RFX3: variants seen among roughly 807,000 people sequenced by gnomAD.
The protein encoded by RFX3 is transcription factor RFX3.
A neutral mutation model predicts 98.6 loss-of-function variants in RFX3; 14 were observed. That is an observed-to-expected ratio of 0.14 (90% CI 0.09 to 0.22). The LOEUF is 0.22. RFX3 is among the 10% of genes least tolerant of loss of function. RFX3 has a pLI of 1.00. For synonymous variants in RFX3, 383 were observed against 328.4 expected, an observed-to-expected ratio of 1.17 and a Z score of -1.80; for missense variants, 639 against 926.9, an observed-to-expected ratio of 0.69 and a Z score of 4.03.
rs138554928 is a variant in RFX3, at chr9:3,313,340, C to T, written c.475-11720G>A. On this transcript the variant is annotated intron_variant, in intron 4 of 16. Coordinates refer to ENST00000617270, the MANE Select transcript of RFX3 (RefSeq NM_001282116.2). ...AAGGAAAACTAACAAACAGAAAGGACGTCCACACCAAAACTCCATCTGTAA... is the reference window on the plus strand; with the variant it reads ...AAGGAAAACTAACAAACAGAAAGGATGTCCACACCAAAACTCCATCTGTAA... 4.9e-3 allele frequency among the ~76,000 whole-genome samples: 751 copies of T among 152,214 alleles called. 2 individuals are homozygous for T. Among genetic ancestry groups the T allele is most frequent in the Non-Finnish European group, 8.4e-3 (570 of 67,978 alleles).
At chr9:3,290,478 C>G (rs1334735119) in intron 6 of RFX3, among the ~76,000 whole-genome samples, 1 of 151,916 alleles carries the variant, frequency 6.6e-6, no homozygotes, top group African/African-American at 2.4e-5. Context: ...TGAATAAAGC[C>G]CAGAGTTTCA....
At chr9:3,321,659 T>C (rs1444890122) in intron 4 of RFX3, among the ~76,000 whole-genome samples, 1 of 152,182 alleles carries the variant, frequency 6.6e-6, no homozygotes, top group East Asian at 1.9e-4. Flanking sequence ...ACCATTGCCT[T>C]TGTTTATTGT....
At chr9:3,480,613 A>G (rs1849664487) in intron 1 of RFX3, among the ~76,000 whole-genome samples, 1 of 152,182 alleles carries the variant, frequency 6.6e-6, no homozygotes, top group Non-Finnish European at 1.5e-5. Flanking sequence ...AAGCTTGAAG[A>G]CTGAGCAATT....
chr9:3,471,848 A>C (rs1434896618), intron 1 of RFX3, among the ~76,000 whole-genome samples: 1 of 152,246 alleles, frequency 6.6e-6, no homozygotes. Context: ...CTTCTTCAGA[A>C]TCTTTCTACC....
intron 2 of RFX3, among the ~76,000 whole-genome samples, chr9:3,381,625 A>G (rs1839203854): frequency 6.6e-6 from 1 of 152,150 alleles, no homozygotes; most frequent in Admixed American, 6.6e-5. Context: ...ATTTAAGAAT[A>G]TAATTCCATT....
chr9:3,477,535 A>G (rs1849378953), intron 1 of RFX3, among the ~76,000 whole-genome samples: 1 of 152,188 alleles, frequency 6.6e-6, no homozygotes, highest in Admixed American at 6.5e-5. Flanking sequence ...TAAGTCAGCT[A>G]TTAAGCCTAT....
intron 1 of RFX3, among the ~76,000 whole-genome samples, chr9:3,427,214 A>C (rs1844137353): frequency 6.8e-6 from 1 of 146,064 alleles, no homozygotes; most frequent in Non-Finnish European, 1.5e-5. Context: ...ACTATATAAT[A>C]AATATATAAT....
rs546228808 is a variant in RFX3, at chr9:3,291,650, G to T, written c.731+1427C>A. ...ATTAAACAAATTTGTATCCTTTTCT[G>T]TTGTTAATCTTTCGTTATAGGGGTC... On this transcript the variant is annotated intron_variant, in intron 6 of 16. Transcript: ENST00000617270. 1.3e-3 allele frequency among the ~76,000 whole-genome samples: 201 copies of T among 152,136 alleles called. 1 individual carries two copies. Among genetic ancestry groups the T allele is most frequent in the African/African-American group, 4.6e-3 (193 of 41,514 alleles).
At chr9:3,308,577 T>C (rs1829600831) in intron 4 of RFX3, among the ~76,000 whole-genome samples, 1 of 152,188 alleles carries the variant, frequency 6.6e-6, no homozygotes, top group Admixed American at 6.6e-5. Context: ...ACATGCCAGA[T>C]TTCTGACCAC....
At chr9:3,503,504 A>C (rs1180871888) in intron 1 of RFX3, among the ~76,000 whole-genome samples, 1 of 152,138 alleles carries the variant, frequency 6.6e-6, no homozygotes, top group Admixed American at 6.6e-5. Context: ...ACAGGCACAT[A>C]ATGCTGAATA....
chr9:3,474,915 C>T (rs532827531), intron 1 of RFX3, among the ~76,000 whole-genome samples: 5 of 152,132 alleles, frequency 3.3e-5, no homozygotes, highest in African/African-American at 9.6e-5. Context: ...GCCTGGGCAA[C>T]ACAGGAAGAT....
At chr9:3,299,129 C>T (rs1828341677) in intron 5 of RFX3, among the ~76,000 whole-genome samples, 1 of 151,668 alleles carries the variant, frequency 6.6e-6, no homozygotes, top group Admixed American at 6.6e-5. Flanking sequence ...ACATAGTTTA[C>T]TAACATTTAA....
At chr9:3,518,929 G>A (rs777758417) in intron 1 of RFX3, among the ~76,000 whole-genome samples, 4 of 152,086 alleles carry the variant, frequency 2.6e-5, no homozygotes, top group East Asian at 3.8e-4. Flanking sequence ...TCTAAGCAAC[G>A]CATTATAAAA....
chr9:3,293,032 T>C (rs900531301), intron 6 of RFX3, 45 bp downstream of exon 6: 5 of 1,471,824 alleles, frequency 3.4e-6, no homozygotes, highest in East Asian at 2.3e-5. Context: ...TTGCCCTAGT[T>C]TGAAAAAGAG....
chr9:3,263,840 G>A (rs1187847181), intron 12 of RFX3, among the ~76,000 whole-genome samples: 1 of 152,132 alleles, frequency 6.6e-6, no homozygotes. Context: ...GGCACTGGCA[G>A]GAGATGGAAG....
chr9:3,312,254 G>A (rs541710108), intron 4 of RFX3, among the ~76,000 whole-genome samples: 1 of 152,190 alleles, frequency 6.6e-6, no homozygotes, highest in Non-Finnish European at 1.5e-5. Flanking sequence ...ATATGAGTGA[G>A]TATTGGGCCA....
intron 1 of RFX3, chr9:3,400,318 G>A (rs1441675427): frequency 2.2e-6 from 1 of 448,612 alleles, no homozygotes; most frequent in East Asian, 1.6e-4. Context: ...AAATAAGATA[G>A]GTAAAAAACA....
chr9:3,353,390 G>A (rs369522347), intron 2 of RFX3, among the ~76,000 whole-genome samples: 2 of 151,968 alleles, frequency 1.3e-5, no homozygotes, highest in Admixed American at 1.3e-4. Flanking sequence ...GAGGCTTAAT[G>A]GCAGCTGAAA....
At chr9:3,407,552 A>C (rs758755529) in intron 1 of RFX3, among the ~76,000 whole-genome samples, 5 of 152,302 alleles carry the variant, frequency 3.3e-5, no homozygotes, top group Non-Finnish European at 7.4e-5. Context: ...AAGGAGCAAC[A>C]TGTTGTTTCA....
Sources: allele counts gnomAD v4.1 joint callset (sites outside exome capture counted in the v4.1 genomes callset), GRCh38; gene constraint gnomAD v4.1.1; transcripts MANE v1.5; gene names NCBI Gene and HGNC (gene_info 2026-07-23, HGNC 2026-07-21).